Variants in ITFG1 observed in about 807,000 individuals in gnomAD.
The protein encoded by ITFG1 is T-cell immunomodulatory protein.
In ITFG1, 34 loss-of-function variants were observed where a neutral mutation model predicts 81.8. That is an observed-to-expected ratio of 0.42 (90% CI 0.32 to 0.55). The LOEUF is 0.55. Ranked by LOEUF, ITFG1 falls within the 20% of genes least tolerant of loss-of-function variation. The probability of loss-of-function intolerance (pLI) is 0.17; values close to 1 mark genes in which losing one functional copy is unlikely to be tolerated. For missense variants in ITFG1, 672 were observed against 755.4 expected, an observed-to-expected ratio of 0.89 and a Z score of 1.29; for synonymous variants, 285 against 270.6, an observed-to-expected ratio of 1.05 and a Z score of -0.52.
At chr16:47,327,021 A>C (rs897760218) in intron 8 of ITFG1, among the ~76,000 whole-genome samples, 1 of 152,214 alleles carries the variant, frequency 6.6e-6, no homozygotes, top group African/African-American at 2.4e-5. Context: ...CGCCAAGTCA[A>C]TCCTAAGCCA....
intron 14 of ITFG1, among the ~76,000 whole-genome samples, chr16:47,181,339 C>T (rs2151513591): frequency 6.6e-6 from 1 of 151,374 alleles, no homozygotes; most frequent in South Asian, 2.1e-4. Flanking sequence ...GCCGCCCCGT[C>T]CGGGAGGGAG....
In ITFG1 at chr16:47,201,264, A is replaced by G. The variant is rs1965421984; in HGVS notation, c.1453+17604T>C. Among the ~76,000 whole-genome samples, 3 of 147,430 alleles carry G rather than the reference A, an allele frequency of 2.0e-5. No individual in the cohort carries two copies. The South Asian group carries it at 6.4e-4, about 31-fold the overall frequency. On this transcript the variant is annotated intron_variant, in intron 14 of 17. Transcript: ENST00000320640. The stretch of plus-strand genomic sequence containing the variant: ...CGCTCTGTTGCCCAGGCTGGAGTGC[A>G]GTGGTGAGATCTTGGCTCACTGCAA...
intron 13 of ITFG1, among the ~76,000 whole-genome samples, chr16:47,232,394 G>A (rs1965824664): frequency 1.3e-5 from 2 of 152,176 alleles, no homozygotes; most frequent in South Asian, 4.1e-4. Flanking sequence ...TAACTACTGA[G>A]AACTGGAAAC....
chr16:47,327,728 C>G (rs1480645487), intron 8 of ITFG1, among the ~76,000 whole-genome samples: 2 of 152,174 alleles, frequency 1.3e-5, no homozygotes, highest in Non-Finnish European at 2.9e-5. Context: ...TGAAAAAATG[C>G]TCATCATCAC....
chr16:47,235,331 G>A (rs1367501537), intron 13 of ITFG1, among the ~76,000 whole-genome samples: 1 of 152,166 alleles, frequency 6.6e-6, no homozygotes, highest in Non-Finnish European at 1.5e-5. Context: ...ACAATACTGG[G>A]CTGATACAGG....
intron 8 of ITFG1, among the ~76,000 whole-genome samples, chr16:47,326,777 G>A (rs572579713): frequency 2.6e-5 from 4 of 152,214 alleles, no homozygotes; most frequent in South Asian, 4.2e-4. Context: ...AGGATGTGAA[G>A]GACCTCTTCA....
intron 16 of ITFG1, among the ~76,000 whole-genome samples, chr16:47,159,701 A>C (rs776832279): frequency 3.9e-5 from 6 of 152,118 alleles, no homozygotes; most frequent in African/African-American, 7.2e-5. Flanking sequence ...TGTATCACCA[A>C]GTGTGAAGGT....
intron 6 of ITFG1, among the ~76,000 whole-genome samples, chr16:47,392,102 C>T (rs149978481): frequency 6.6e-6 from 1 of 152,190 alleles, no homozygotes; most frequent in African/African-American, 2.4e-5. Context: ...AGCAAACTTA[C>T]AAAGTGATAT....
chr16:47,337,930 G>A lies in ITFG1; in HGVS notation c.803-24107C>T, dbSNP rs1596907871. On this transcript the variant is annotated intron_variant, in intron 8 of 17. Coordinates refer to ENST00000320640, the MANE Select transcript of ITFG1 (RefSeq NM_030790.5). ...CACAGAGCCAGTCTGCAAAGACTGG[G>A]AAATATGATTGCTGTTTGTTTTATT... Among the ~76,000 whole-genome samples, 4 of 152,352 alleles carry A rather than the reference G, an allele frequency of 2.6e-5. No individual in the cohort carries two copies. The South Asian group carries it at 8.3e-4, about 32-fold the overall frequency.
chr16:47,189,144 T>C (rs1050533540), intron 14 of ITFG1, among the ~76,000 whole-genome samples: 1 of 152,226 alleles, frequency 6.6e-6, no homozygotes, highest in Non-Finnish European at 1.5e-5. Flanking sequence ...TTCAAGCTCT[T>C]GTCAGCCTAC....
Position 47,451,481 on chromosome 16 carries a change from A to G in ITFG1, c.486-11T>C. The G allele has an allele frequency of 7.2e-7, 1 of 1,388,712 alleles. No individual in the cohort carries two copies. The highest frequency in any genetic ancestry group is 2.3e-5 in the East Asian group (1 of 43,816). 86.0% of individuals were successfully genotyped at this position (1,388,712 alleles called of 1,614,324 possible). A position where few individuals can be genotyped will look rare whatever the true frequency, so the allele number is the denominator to read the frequency against. On this transcript the variant is annotated splice_polypyrimidine_tract_variant and intron_variant, in intron 4 of 17. Coordinates refer to ENST00000320640, the MANE Select transcript of ITFG1 (RefSeq NM_030790.5). ...AGATCACCATTGAAACTGAAAAAAA[A>G]TTAAAACAATAAGCAGCTATTTCTT...
chr16:47,436,952 C>A (rs2058760516), intron 5 of ITFG1, among the ~76,000 whole-genome samples: 1 of 152,148 alleles, frequency 6.6e-6, no homozygotes, highest in African/African-American at 2.4e-5. Context: ...AATTACTCTT[C>A]ATTTAGAGGC....
At chr16:47,453,766 T>A (rs1252185739) in intron 3 of ITFG1, among the ~76,000 whole-genome samples, 1 of 152,216 alleles carries the variant, frequency 6.6e-6, no homozygotes, top group Non-Finnish European at 1.5e-5. Context: ...AATGATTCTG[T>A]GAGCCACTAA....
intron 10 of ITFG1, among the ~76,000 whole-genome samples, chr16:47,309,936 C>A (rs1967230883): frequency 6.6e-6 from 1 of 152,160 alleles, no homozygotes; most frequent in South Asian, 2.1e-4. Flanking sequence ...GAGCCAATGT[C>A]TAAAATAAAG....
At chr16:47,355,943 T>C (rs1018283007) in intron 8 of ITFG1, among the ~76,000 whole-genome samples, 8 of 152,120 alleles carry the variant, frequency 5.3e-5, no homozygotes, top group African/African-American at 1.9e-4. Flanking sequence ...AAACACATGG[T>C]TCTAAAAGCA....
At chr16:47,282,268 C>A (rs999648389) in intron 10 of ITFG1, among the ~76,000 whole-genome samples, 1 of 151,956 alleles carries the variant, frequency 6.6e-6, no homozygotes, top group Non-Finnish European at 1.5e-5. Flanking sequence ...CTCAGCCTTG[C>A]GAGTCTTCAC....
At chr16:47,339,050 C>T (rs1017623114) in intron 8 of ITFG1, among the ~76,000 whole-genome samples, 1 of 152,180 alleles carries the variant, frequency 6.6e-6, no homozygotes, top group African/African-American at 2.4e-5. Context: ...TGAGAACATG[C>T]CAAGTTTGTC....
intron 5 of ITFG1, among the ~76,000 whole-genome samples, chr16:47,445,238 T>C (rs1596989667): frequency 9.0e-6 from 1 of 110,550 alleles, no homozygotes; most frequent in Non-Finnish European, 1.7e-5. Context: ...AGAGCGAGAC[T>C]CCGTCTCAGA....
chr16:47,371,529 C>G (rs1307910838), intron 7 of ITFG1, among the ~76,000 whole-genome samples: 3 of 152,156 alleles, frequency 2.0e-5, no homozygotes, highest in Non-Finnish European at 4.4e-5. Context: ...AGTAGCCTTT[C>G]ATAGATGACT....
Sources: gnomAD v4.1 joint callset for allele counts (sites outside exome capture counted in the v4.1 genomes callset) on GRCh38, gnomAD v4.1.1 for gene constraint, MANE v1.5 for transcripts, NCBI Gene and HGNC (gene_info 2026-07-23, HGNC 2026-07-21) for gene names.